Variants in RNF44 observed in about 807,000 individuals in gnomAD.
RNF44 encodes ring finger protein 44.
RNF44 carries 25 observed loss-of-function variants against 53.6 expected under a neutral mutation model. The observed-to-expected ratio is 0.47, with a 90% CI of 0.34 to 0.65. RNF44 has a LOEUF of 0.65. RNF44 is among the 30% of genes least tolerant of loss of function. RNF44 has a pLI of 0.01. For missense variants in RNF44, 581 were observed against 595.5 expected (o/e 0.98, Z 0.25); for synonymous variants, 282 against 252.2 (o/e 1.12, Z -1.12).
chr5:176,531,833 ACCCAGTGTGG>A lies in RNF44; in HGVS notation c.297+161_297+170del, dbSNP rs1756696575. 7 of 858,228 alleles carry A rather than the reference ACCCAGTGTGG, an allele frequency of 8.2e-6. No homozygotes were observed. The highest frequency in any genetic ancestry group is 3.4e-5 in the African/African-American group (2 of 58,462). 53.2% of individuals were successfully genotyped at this position (858,228 alleles called of 1,614,324 possible). A position where few individuals can be genotyped will look rare whatever the true frequency, so the allele number is the denominator to read the frequency against. ...CCGTGGGAATCTAGCTCTGCTAGTC[ACCCAGTGTGG>A]CCCTTTCCCCGGGCCTCAGTTTACC... On this transcript the variant is annotated intron_variant, in intron 3 of 10. Coordinates refer to ENST00000274811, the MANE Select transcript of RNF44 (RefSeq NM_014901.5). The surrounding 1 kb of genome is among the most constrained non-coding windows in gnomAD (Gnocchi z 4.2).
At chr5:176,529,215 GAAAC>G (rs1484478209) in intron 10 of RNF44, 69 bp downstream of exon 10, 2 of 1,559,676 alleles carry the variant, frequency 1.3e-6, no homozygotes, top group African/African-American at 2.7e-5. Context: ...GACAAGGAGG[GAAAC>G]AGCCCAGGCC....
chr5:176,536,018 C>A, intron 1 of RNF44: 1 of 152,386 alleles, frequency 6.6e-6, no homozygotes. Flanking sequence ...CTAAGAGCCC[C>A]AGGGATCTGT....
rs1399552678 is a variant in RNF44 at position 176,529,514 on chromosome 5, G to A, written c.1136+9C>T. On this transcript the variant is annotated intron_variant, in intron 9 of 10. Coordinates refer to ENST00000274811, the MANE Select transcript of RNF44 (RefSeq NM_014901.5). Reference sequence around the variant, plus strand: ...TTCAGAGGGGTGGGAGGTGGGGCAGGGTACTCACAGCGTCTGCTCCGACTG... The same window carrying A: ...TTCAGAGGGGTGGGAGGTGGGGCAGAGTACTCACAGCGTCTGCTCCGACTG... The A allele has an allele frequency of 6.2e-7, 1 of 1,613,744 alleles. No individual in the cohort carries two copies. The highest frequency in any genetic ancestry group is 2.2e-5 in the East Asian group (1 of 44,884).
intron 1 of RNF44, among the ~76,000 whole-genome samples, chr5:176,534,657 C>T (rs1251359805): frequency 6.6e-6 from 1 of 152,236 alleles, no homozygotes. Context: ...GGAATCTCTA[C>T]CCTAGCTAAC....
rs1756603349 is a variant in RNF44 at position 176,530,946 on chromosome 5, A to G, written c.541T>C (p.Tyr181His). 1 of 1,455,458 alleles carries G rather than the reference A, an allele frequency of 6.9e-7. No individual in the cohort carries two copies. Among genetic ancestry groups the G allele is most frequent in the Non-Finnish European group, 9.1e-7 (1 of 1,104,212 alleles). The allele number at this position is 1,455,458 out of a possible 1,614,324, so 90.2% of individuals were successfully genotyped here. A position where few individuals can be genotyped will look rare whatever the true frequency, so the allele number is the denominator to read the frequency against. ...AYPHLISSDHYILHPPPPAPP... is the reference protein window; with the variant it reads ...AYPHLISSDHHILHPPPPAPP... ...GCCGGTGGTGGGGGGTGCAGGATGT[A>G]GTGGTCACTGGAGATGAGGTGGGGG... The change falls in exon 5 of 11, where the codon TAC (tyrosine) becomes CAC (histidine). Residue 181 changes from tyrosine (Y) to histidine (H), a missense_variant. Coordinates refer to ENST00000274811, the MANE Select transcript of RNF44 (RefSeq NM_014901.5).
rs200935037 is a variant in RNF44, at chr5:176,529,113, C to G, written c.1237-23G>C. On this transcript the variant is annotated intron_variant, in intron 10 of 10. Coordinates refer to ENST00000274811, the MANE Select transcript of RNF44 (RefSeq NM_014901.5). ...GGCCTGTGGGAACATGCACGTCAGG[C>G]GTTGCTCTCACCAGCCCCAACCCAC... 5 of 1,612,674 alleles carry G rather than the reference C, an allele frequency of 3.1e-6. No individual in the cohort carries two copies. In the Admixed American group the frequency reaches 8.3e-5, roughly 27 times the overall value.
the RNF44 span, among the ~76,000 whole-genome samples, chr5:176,543,370 C>T: frequency 7.1e-4 from 106 of 149,702 alleles, no homozygotes; most frequent in African/African-American, 2.5e-3. The surrounding 1 kb of genome is among the most constrained non-coding windows in gnomAD (Gnocchi z 4.0). Flanking sequence ...CGCGGCCCCT[C>T]TCCGGCCCGG....
chr5:176,531,577 T>G lies in RNF44; in HGVS notation c.351A>C (p.Gln117His). 2.5e-6 allele frequency: 4 copies of G among 1,613,480 alleles called. No homozygotes were observed. Among genetic ancestry groups the G allele is most frequent in the Non-Finnish European group, 3.4e-6 (4 of 1,179,816 alleles). The change falls in exon 4 of 11, where the codon CAA becomes CAC. Residue 117 changes from glutamine to histidine, a missense_variant. Gln to His is a conservative substitution (Grantham distance 24). This residue lies in a region of RNF44 where 387 missense variants were observed against 366.0 expected (regional missense o/e 1.06). Coordinates refer to ENST00000274811, the MANE Select transcript of RNF44 (RefSeq NM_014901.5). The surrounding 1 kb of genome is among the most constrained non-coding windows in gnomAD (Gnocchi z 4.2). ...LSYTVTTVTT[Q>H]GFPLPTGQHI... The stretch of plus-strand genomic sequence containing the variant: ...GCTGGCCTGTAGGCAAGGGGAAGCC[T>G]TGGGTCGTCACTGTGGTGACCGTGT...
Position 176,531,650 on chromosome 5 carries a change from C to G in RNF44, c.298-20G>C. The stretch of plus-strand genomic sequence containing the variant: ...GTGCACCTGTGGGTGGAGAGAACGC[C>G]GGGAAAGTATGAAAAGGAAGCTGAC... On this transcript the variant is annotated intron_variant, in intron 3 of 10. Transcript: ENST00000274811. This position sits in a 1 kb window ranked among gnomAD's most constrained non-coding sequence, Gnocchi z 4.2. 1 of 1,589,588 alleles carries G rather than the reference C, an allele frequency of 6.3e-7. No homozygotes were observed. Among genetic ancestry groups the G allele is most frequent in the Admixed American group, 1.8e-5 (1 of 56,762 alleles).
intron 1 of RNF44, 102 bp downstream of exon 1, chr5:176,536,838 C>T (rs921148752): frequency 6.6e-6 from 1 of 152,188 alleles, no homozygotes; most frequent in African/African-American, 2.4e-5. Flanking sequence ...CGTGATTAAC[C>T]CCTACGGAGC....
rs1756791388 is a variant in RNF44, at chr5:176,532,523, G to A, written c.-44-7C>T. ...TGGGCCGGGACTCACAACCCTAGGA[G>A]GCAAGGAGACAAGAAGACTGAGGCA... On this transcript the variant is annotated splice_region_variant and splice_polypyrimidine_tract_variant and intron_variant, in intron 1 of 10. Coordinates refer to ENST00000274811, the MANE Select transcript of RNF44 (RefSeq NM_014901.5). The A allele has an allele frequency of 6.7e-7, 1 of 1,491,916 alleles. No individual in the cohort carries two copies. The highest frequency in any genetic ancestry group is 8.9e-7 in the Non-Finnish European group (1 of 1,124,896). The allele number at this position is 1,491,916 out of a possible 1,614,324, so 92.4% of individuals were successfully genotyped here. A position where few individuals can be genotyped will look rare whatever the true frequency, so the allele number is the denominator to read the frequency against.
rs1756634045 is a variant in RNF44, at chr5:176,531,289, C to G, written c.465+174G>C. 6.6e-6 allele frequency among the ~76,000 whole-genome samples: 1 copy of G among 152,262 alleles called. No individual in the cohort carries two copies. Among genetic ancestry groups the G allele is most frequent in the African/African-American group, 2.4e-5 (1 of 41,468 alleles). On this transcript the variant is annotated intron_variant, in intron 4 of 10. Transcript: ENST00000274811. This position sits in a 1 kb window ranked among gnomAD's most constrained non-coding sequence, Gnocchi z 4.2. ...GAAGGTTCCTGAACCTTGAAACACT[C>G]TATTACCAAATGTGAACACGCGTAT...
rs1263086275 is a variant in RNF44 at position 176,537,051 on chromosome 5, G to A, written c.-156C>T. ...CTGTCTGGATCCTTTAAGAGCTCCCGCCCTGCGGAACAATGTGCTCCCCTC... is the reference window on the plus strand; with the variant it reads ...CTGTCTGGATCCTTTAAGAGCTCCCACCCTGCGGAACAATGTGCTCCCCTC... On this transcript the variant is annotated 5_prime_UTR_variant, in exon 1 of 11. Coordinates refer to ENST00000274811, the MANE Select transcript of RNF44 (RefSeq NM_014901.5). The A allele has an allele frequency of 6.6e-6, 1 of 150,998 alleles. No homozygotes were observed. Among genetic ancestry groups the A allele is most frequent in the Non-Finnish European group, 1.5e-5 (1 of 67,976 alleles). The allele number at this position is 150,998 out of a possible 1,614,324, so 9.4% of individuals were successfully genotyped here.
intron 1 of RNF44, among the ~76,000 whole-genome samples, chr5:176,536,511 C>T (rs1336120950): frequency 6.6e-6 from 1 of 152,208 alleles, no homozygotes; most frequent in Non-Finnish European, 1.5e-5. Flanking sequence ...GGCGCGGACA[C>T]AGCCCCGAGA....
At chr5:176,536,882 G>T (rs950723578) in intron 1 of RNF44, 58 bp downstream of exon 1, 1 of 152,108 alleles carries the variant, frequency 6.6e-6, no homozygotes, top group Non-Finnish European at 1.5e-5. Context: ...CCAGGGGAGG[G>T]GAACAGAAGG....
intron 1 of RNF44, among the ~76,000 whole-genome samples, chr5:176,533,544 G>A (rs9313738): frequency 0.039 from 5,966 of 152,312 alleles, 386 homozygotes; most frequent in African/African-American, 0.13. Context: ...GGTGATGAAG[G>A]AAGTCAGCCT....
At chr5:176,529,261 C>T (rs1489733904) in intron 10 of RNF44, 27 bp downstream of exon 10, 1 of 1,602,074 alleles carries the variant, frequency 6.2e-7, no homozygotes. Context: ...ATGAGGAATA[C>T]CCAGGAGCAG....
rs370259202 is a variant in RNF44 at position 176,527,122 on chromosome 5, G to A, written c.*1906C>T. The stretch of plus-strand genomic sequence containing the variant: ...CTTTCTAACACAGAACACAGGCGCT[G>A]GGCCCAGCCAGGGCTGGGGGAAGGT... On this transcript the variant is annotated 3_prime_UTR_variant, in exon 11 of 11. Coordinates refer to ENST00000274811, the MANE Select transcript of RNF44 (RefSeq NM_014901.5). The A allele has an allele frequency of 6.6e-6, 1 of 152,322 alleles. No individual in the cohort carries two copies. The highest frequency in any genetic ancestry group is 1.5e-5 in the Non-Finnish European group (1 of 68,042). The allele number at this position is 152,322 out of a possible 1,614,324, so 9.4% of individuals were successfully genotyped here. A position where few individuals can be genotyped will look rare whatever the true frequency, so the allele number is the denominator to read the frequency against.
At chr5:176,543,086 G>A in the RNF44 span, among the ~76,000 whole-genome samples, 9 of 151,714 alleles carry the variant, frequency 5.9e-5, no homozygotes, top group African/African-American at 1.9e-4. The surrounding 1 kb of genome is among the most constrained non-coding windows in gnomAD (Gnocchi z 4.0). Flanking sequence ...GAAGAGCGGC[G>A]CAGCTCCCGC....
Sources: allele counts gnomAD v4.1 joint callset (sites outside exome capture counted in the v4.1 genomes callset), GRCh38; gene constraint gnomAD v4.1.1; regional missense constraint gnomAD v4.1.1; non-coding constraint Gnocchi (gnomAD v3.1); transcripts MANE v1.5; gene names NCBI Gene and HGNC (gene_info 2026-07-23, HGNC 2026-07-21).